MUSK: variants seen among roughly 807,000 people sequenced by gnomAD.
MUSK encodes muscle, skeletal receptor tyrosine-protein kinase.
A neutral mutation model predicts 88.7 loss-of-function variants in MUSK; 55 were observed. The observed-to-expected ratio is 0.62, with a 90% CI of 0.50 to 0.78. The LOEUF (loss-of-function observed/expected upper bound fraction) is 0.78, where lower values mean the gene tolerates loss of function less well. MUSK is among the 30% of genes least tolerant of loss of function. MUSK has a pLI of 0.00. For missense variants in MUSK, 1,015 were observed against 1,074.3 expected (o/e 0.94, Z 0.77); for synonymous variants, 387 against 391.9 (o/e 0.99, Z 0.15).
intron 6 of MUSK, among the ~76,000 whole-genome samples, chr9:110,743,014 A>G (rs2077124053): frequency 6.6e-6 from 1 of 152,230 alleles, no homozygotes; most frequent in Non-Finnish European, 1.5e-5. Context: ...TATAGTCCTG[A>G]TATCATTTTT....
At chr9:110,716,737 G>A (rs2076748900) in intron 5 of MUSK, among the ~76,000 whole-genome samples, 1 of 149,922 alleles carries the variant, frequency 6.7e-6, no homozygotes, top group Non-Finnish European at 1.5e-5. Context: ...TTTTGCCTTA[G>A]CAGCTTTTCT....
At chr9:110,749,593 A>G (rs1564264216) in intron 7 of MUSK, among the ~76,000 whole-genome samples, 1 of 152,196 alleles carries the variant, frequency 6.6e-6, no homozygotes, top group East Asian at 1.9e-4. Flanking sequence ...AAATAAGTGC[A>G]ATAGATATAT....
At chr9:110,732,659 G>A (rs2076980628) in intron 5 of MUSK, among the ~76,000 whole-genome samples, 1 of 152,006 alleles carries the variant, frequency 6.6e-6, no homozygotes, top group Non-Finnish European at 1.5e-5. Flanking sequence ...TGGACCCCAG[G>A]ACTTACTTAA....
At position 110,804,291 on chromosome 9, in the gene MUSK, C is replaced by A. The variant is rs955344394; in HGVS notation, c.*3303C>A. On this transcript the variant is annotated 3_prime_UTR_variant, in exon 15 of 15. Transcript: ENST00000374448. ...ATGAAAATTCAGAGAAAGGAAATGT[C>A]TGGACCAAATGGCATGTACAATATT... Among the ~76,000 whole-genome samples the A allele has an allele frequency of 6.6e-6, 1 of 152,040 alleles. No individual in the cohort carries two copies. The highest frequency in any genetic ancestry group is 6.5e-5 in the Admixed American group (1 of 15,276).
chr9:110,757,414 G>C (rs1385078208), intron 7 of MUSK, among the ~76,000 whole-genome samples: 2 of 150,388 alleles, frequency 1.3e-5, no homozygotes, highest in Non-Finnish European at 3.0e-5. Flanking sequence ...AGCCAAGATT[G>C]TGCCACTGAG....
chr9:110,726,715 A>C (rs558388090), intron 5 of MUSK, among the ~76,000 whole-genome samples: 2 of 152,210 alleles, frequency 1.3e-5, no homozygotes, highest in South Asian at 4.1e-4. Flanking sequence ...TGGCTGATAA[A>C]GGAAATAGAA....
intron 8 of MUSK, among the ~76,000 whole-genome samples, chr9:110,766,291 T>C (rs1369083559): frequency 6.6e-6 from 1 of 152,194 alleles, no homozygotes; most frequent in Non-Finnish European, 1.5e-5. Context: ...GGCCTTCACC[T>C]TGGGGTGTCG....
At chr9:110,785,128 C>A in intron 12 of MUSK, 112 bp downstream of exon 12, 2 of 933,364 alleles carry the variant, frequency 2.1e-6, no homozygotes, top group Non-Finnish European at 3.2e-6. Flanking sequence ...CTAAATATAT[C>A]CGTAGCCCTG....
chr9:110,734,110 A>G, intron 5 of MUSK, 141 bp from the exon 6 acceptor site: 1 of 882,814 alleles, frequency 1.1e-6, no homozygotes, highest in Non-Finnish European at 1.7e-6. Context: ...CGGCCATGGC[A>G]TGTGGTATTA....
At chr9:110,779,500 CT>C (rs2077720512) in intron 11 of MUSK, among the ~76,000 whole-genome samples, 1 of 152,042 alleles carries the variant, frequency 6.6e-6, no homozygotes, top group African/African-American at 2.4e-5. Context: ...TTAACTTTTT[CT>C]TTTGCAACTG....
chr9:110,697,223 TTGA>T (rs1318028180), intron 4 of MUSK, 99 bp from the exon 5 acceptor site: 39 of 1,253,488 alleles, frequency 3.1e-5, no homozygotes, highest in Non-Finnish European at 4.4e-5. Flanking sequence ...AGCGATATCT[TTGA>T]TGATGATAAT....
intron 2 of MUSK, among the ~76,000 whole-genome samples, chr9:110,685,956 C>T (rs1471461483): frequency 6.6e-6 from 1 of 152,062 alleles, no homozygotes; most frequent in Non-Finnish European, 1.5e-5. Context: ...TTCCAGGTAC[C>T]AAAACCTGTA....
chr9:110,672,107 A>C (rs940212865), intron 1 of MUSK, among the ~76,000 whole-genome samples: 9 of 152,220 alleles, frequency 5.9e-5, no homozygotes, highest in African/African-American at 2.2e-4. Context: ...GCATTGAAAG[A>C]GTTACTCATT....
At chr9:110,689,896 T>C (rs1270734946) in intron 3 of MUSK, among the ~76,000 whole-genome samples, 2 of 96,560 alleles carry the variant, frequency 2.1e-5, no homozygotes, top group African/African-American at 9.0e-5. Context: ...ATATAAATTA[T>C]ATAAATATAC....
intron 11 of MUSK, among the ~76,000 whole-genome samples, chr9:110,784,487 G>T (rs1177013212): frequency 1.3e-5 from 2 of 151,846 alleles, no homozygotes; most frequent in African/African-American, 4.8e-5. Context: ...GTAATTATGT[G>T]AAAATATTTT....
At chr9:110,691,061 C>T (rs1323663058) in intron 3 of MUSK, among the ~76,000 whole-genome samples, 1 of 151,422 alleles carries the variant, frequency 6.6e-6, no homozygotes, top group Non-Finnish European at 1.5e-5. Flanking sequence ...GTCAGAGTTT[C>T]GCCAAGTTGG....
intron 6 of MUSK, among the ~76,000 whole-genome samples, chr9:110,743,732 A>G (rs921735602): frequency 1.3e-5 from 2 of 152,188 alleles, no homozygotes; most frequent in African/African-American, 4.8e-5. Context: ...AAAATATATG[A>G]CCTGTGAAGT....
intron 5 of MUSK, among the ~76,000 whole-genome samples, chr9:110,704,646 G>C (rs183839222): frequency 1.2e-3 from 184 of 152,172 alleles, no homozygotes; most frequent in African/African-American, 4.2e-3. Flanking sequence ...TTATATATTA[G>C]AGTACATGTA....
chr9:110,719,998 T>C (rs1168657776), intron 5 of MUSK, among the ~76,000 whole-genome samples: 4 of 152,030 alleles, frequency 2.6e-5, no homozygotes, highest in Non-Finnish European at 5.9e-5. Context: ...GATTGTTGGG[T>C]CAACAATGAA....
Sources: gnomAD v4.1 joint callset for allele counts (sites outside exome capture counted in the v4.1 genomes callset) on GRCh38, gnomAD v4.1.1 for gene constraint, MANE v1.5 for transcripts, NCBI Gene and HGNC (gene_info 2026-07-23, HGNC 2026-07-21) for gene names.